Variants in CERS6 observed in about 807,000 individuals in gnomAD.
CERS6 encodes ceramide synthase 6.
A neutral mutation model predicts 56.8 loss-of-function variants in CERS6; 26 were observed. The ratio of observed to expected loss-of-function variants is 0.46; its 90% CI spans 0.34 to 0.63. CERS6 has a LOEUF of 0.63. Ranked by LOEUF, CERS6 falls within the 30% of genes least tolerant of loss-of-function variation. CERS6 has a pLI of 0.01. For missense variants in CERS6, 415 were observed against 467.5 expected (o/e 0.89, Z 1.04); for synonymous variants, 164 against 173.3 (o/e 0.95, Z 0.42).
intron 1 of CERS6, among the ~76,000 whole-genome samples, chr2:168,518,770 T>G (rs1694926830): frequency 6.6e-6 from 1 of 152,178 alleles, no homozygotes; most frequent in Admixed American, 6.5e-5. Flanking sequence ...ACATTGAAAA[T>G]GGATCTGTTT....
chr2:168,564,105 T>G (rs1270137302), intron 3 of CERS6, among the ~76,000 whole-genome samples: 2 of 152,202 alleles, frequency 1.3e-5, no homozygotes, highest in Non-Finnish European at 2.9e-5. Flanking sequence ...CACTCCAGAT[T>G]TAGTCTTCAA....
At chr2:168,734,253 GA>G (rs914555145) in intron 8 of CERS6, among the ~76,000 whole-genome samples, 2 of 150,298 alleles carry the variant, frequency 1.3e-5, no homozygotes, top group African/African-American at 2.4e-5. Context: ...TGTATAGAAG[GA>G]AAAAAAAATA....
intron 8 of CERS6, among the ~76,000 whole-genome samples, chr2:168,729,679 C>A (rs1265800159): frequency 6.6e-6 from 1 of 152,228 alleles, no homozygotes; most frequent in Non-Finnish European, 1.5e-5. Context: ...TTCCATGCCT[C>A]TGATGGCAGT....
intron 3 of CERS6, among the ~76,000 whole-genome samples, chr2:168,583,888 ATGGCCTTTTGCCATCATGACC>A (rs1173033579): frequency 4.6e-5 from 7 of 152,196 alleles, no homozygotes; most frequent in South Asian, 2.1e-4. Flanking sequence ...GATTATTGTA[ATGGCCTTTTGCCATCATGACC>A]TGGCCTTTTG....
chr2:168,759,378 A>G (rs971338239), intron 8 of CERS6, among the ~76,000 whole-genome samples: 1 of 152,200 alleles, frequency 6.6e-6, no homozygotes, highest in African/African-American at 2.4e-5. Context: ...AACCCGCGTG[A>G]GTATGTACTG....
intron 8 of CERS6, among the ~76,000 whole-genome samples, chr2:168,741,009 G>C (rs6433089): frequency 6.6e-6 from 1 of 152,014 alleles, no homozygotes; most frequent in Non-Finnish European, 1.5e-5. Context: ...TAGAGGTAGA[G>C]AGAGTGATGC....
intron 5 of CERS6, among the ~76,000 whole-genome samples, chr2:168,692,798 A>G (rs1686539040): frequency 6.6e-6 from 1 of 152,142 alleles, no homozygotes; most frequent in Admixed American, 6.6e-5. Context: ...ATTATTATGT[A>G]TGCAATTATA....
intron 9 of CERS6, among the ~76,000 whole-genome samples, chr2:168,767,938 T>C (rs1304145647): frequency 6.6e-6 from 1 of 152,196 alleles, no homozygotes; most frequent in Non-Finnish European, 1.5e-5. Context: ...CTGAAAAATA[T>C]AAGTAAGCAG....
chr2:168,702,462 C>G (rs1020257089), intron 6 of CERS6, among the ~76,000 whole-genome samples: 2 of 152,174 alleles, frequency 1.3e-5, no homozygotes, highest in East Asian at 3.8e-4. Context: ...AGTGATAAAA[C>G]TCAAGCTTTC....
rs1313644889 is a variant in CERS6, at chr2:168,771,043, C to A, written c.*1381C>A. On this transcript the variant is annotated 3_prime_UTR_variant, in exon 10 of 10. Coordinates refer to ENST00000305747, the MANE Select transcript of CERS6 (RefSeq NM_203463.3). ...CCAAAGATTTTATCTCTTCTTCTAA[C>A]TTTTAGTAAGAGGAAAAAGGGATTA... The A allele has an allele frequency of 6.6e-6, 1 of 152,116 alleles. No individual in the cohort carries two copies. Among genetic ancestry groups the A allele is most frequent in the Non-Finnish European group, 1.5e-5 (1 of 68,018 alleles). The allele number at this position is 152,116 out of a possible 1,614,324, so 9.4% of individuals were successfully genotyped here. A position where few individuals can be genotyped will look rare whatever the true frequency, so the allele number is the denominator to read the frequency against.
intron 8 of CERS6, among the ~76,000 whole-genome samples, chr2:168,733,745 T>G (rs1683625500): frequency 3.9e-5 from 6 of 152,162 alleles, no homozygotes; most frequent in Admixed American, 3.9e-4. Context: ...GGAAACATGA[T>G]GATGGTAGAG....
At chr2:168,765,492 G>C in intron 8 of CERS6, 100 bp from the exon 9 acceptor site, 3 of 1,207,894 alleles carry the variant, frequency 2.5e-6, no homozygotes, top group Non-Finnish European at 3.4e-6. Context: ...GGGGGTAGTT[G>C]GGAGATATTG....
chr2:168,560,394 A>G (rs987336965), intron 2 of CERS6, among the ~76,000 whole-genome samples: 2 of 152,192 alleles, frequency 1.3e-5, no homozygotes, highest in Non-Finnish European at 2.9e-5. Context: ...TCTTGTTGCA[A>G]TATAATTTAG....
chr2:168,553,289 C>T (rs1367772179), intron 2 of CERS6, among the ~76,000 whole-genome samples: 3 of 152,072 alleles, frequency 2.0e-5, no homozygotes, highest in Non-Finnish European at 4.4e-5. Flanking sequence ...CAAAATAAAA[C>T]AATGAATTAA....
chr2:168,700,208 T>G (rs1686770708), intron 6 of CERS6, among the ~76,000 whole-genome samples: 1 of 152,236 alleles, frequency 6.6e-6, no homozygotes, highest in South Asian at 2.1e-4. Context: ...GCTGACTTTT[T>G]GCGGAGAATA....
intron 1 of CERS6, among the ~76,000 whole-genome samples, chr2:168,506,615 T>G (rs1694682625): frequency 6.6e-6 from 1 of 152,202 alleles, no homozygotes; most frequent in African/African-American, 2.4e-5. Flanking sequence ...GAGATCAGTT[T>G]TAGACTGAGG....
chr2:168,685,061 C>T (rs1686312495), intron 4 of CERS6, among the ~76,000 whole-genome samples: 1 of 152,010 alleles, frequency 6.6e-6, no homozygotes, highest in African/African-American at 2.4e-5. Context: ...AAACATAATC[C>T]AACTACATAG....
At chr2:168,477,717 C>T (rs933611269) in intron 1 of CERS6, among the ~76,000 whole-genome samples, 2 of 152,182 alleles carry the variant, frequency 1.3e-5, no homozygotes, top group African/African-American at 4.8e-5. Flanking sequence ...GGAGAATTGT[C>T]CCCTTAGGGG....
At chr2:168,699,185 C>A (rs1686743216) in intron 6 of CERS6, among the ~76,000 whole-genome samples, 1 of 152,144 alleles carries the variant, frequency 6.6e-6, no homozygotes. Flanking sequence ...GCTGTTCTAG[C>A]CATTAGTGAG....
Sources: allele counts gnomAD v4.1 joint callset (sites outside exome capture counted in the v4.1 genomes callset), GRCh38; gene constraint gnomAD v4.1.1; transcripts MANE v1.5; gene names NCBI Gene and HGNC (gene_info 2026-07-23, HGNC 2026-07-21).